LYPLAL1: variants seen among roughly 807,000 people sequenced by gnomAD.
LYPLAL1 encodes the protein lysophospholipase like 1.
LYPLAL1 carries 23 observed loss-of-function variants against 19.7 expected under a neutral mutation model. The observed-to-expected ratio is 1.17, with a 90% CI of 0.84 to 1.65. LYPLAL1 has a LOEUF of 1.65. LYPLAL1 is among the 40% of genes most tolerant of loss of function. The pLI, the probability that LYPLAL1 is intolerant of heterozygous loss-of-function variation, is 0.00. For missense variants in LYPLAL1, 355 were observed against 279.4 expected (o/e 1.27, Z -1.93); for synonymous variants, 119 against 96.3 (o/e 1.24, Z -1.38).
At chr1:219,184,783 C>T (rs530143726) in intron 2 of LYPLAL1, among the ~76,000 whole-genome samples, 2 of 151,866 alleles carry the variant, frequency 1.3e-5, no homozygotes, top group Non-Finnish European at 2.9e-5. Flanking sequence ...CTGGGATAAA[C>T]CCTTTTGTAA....
At chr1:219,331,898 G>A in the LYPLAL1 span, among the ~76,000 whole-genome samples, 2 of 152,132 alleles carry the variant, frequency 1.3e-5, no homozygotes, top group African/African-American at 2.4e-5. Context: ...GAGTCTCACC[G>A]CTTCTGGGGC....
chr1:219,334,507 C>T, the LYPLAL1 span, among the ~76,000 whole-genome samples: 5 of 144,724 alleles, frequency 3.5e-5, no homozygotes, highest in Admixed American at 7.2e-5. Context: ...AGCTTTCTGA[C>T]CCAATCATAA....
the LYPLAL1 span, among the ~76,000 whole-genome samples, chr1:219,336,055 C>T: frequency 6.6e-6 from 1 of 150,664 alleles, no homozygotes; most frequent in South Asian, 2.1e-4. Flanking sequence ...GTTTGGTCAC[C>T]TAGAGAACAT....
chr1:219,218,425 A>G, the LYPLAL1 span, among the ~76,000 whole-genome samples: 1 of 152,100 alleles, frequency 6.6e-6, no homozygotes, highest in African/African-American at 2.4e-5. Context: ...CCTGCAGCCC[A>G]CAGGCCACAT....
chr1:219,188,413 G>A (rs1375958157), intron 2 of LYPLAL1, among the ~76,000 whole-genome samples: 1 of 151,658 alleles, frequency 6.6e-6, no homozygotes, highest in African/African-American at 2.4e-5. Context: ...AGCCCACCAT[G>A]CAGAAATGTT....
At chr1:219,405,828 G>C in the LYPLAL1 span, among the ~76,000 whole-genome samples, 2 of 152,172 alleles carry the variant, frequency 1.3e-5, no homozygotes, top group Non-Finnish European at 2.9e-5. Flanking sequence ...AGCCTGCCCT[G>C]ATTGCTTCCT....
At chr1:219,418,604 T>A in the LYPLAL1 span, among the ~76,000 whole-genome samples, 3 of 152,078 alleles carry the variant, frequency 2.0e-5, no homozygotes, top group Non-Finnish European at 4.4e-5. Flanking sequence ...TCCACCAGAG[T>A]AGTACATTTG....
chr1:219,206,607 G>C (rs1658587786), intron 3 of LYPLAL1, among the ~76,000 whole-genome samples: 1 of 151,954 alleles, frequency 6.6e-6, no homozygotes, highest in African/African-American at 2.4e-5. Context: ...ATTTCAATGA[G>C]TATATTTTTC....
At chr1:219,243,465 G>A in the LYPLAL1 span, among the ~76,000 whole-genome samples, 4 of 152,132 alleles carry the variant, frequency 2.6e-5, no homozygotes, top group Non-Finnish European at 4.4e-5. Flanking sequence ...GGAAGAGCAG[G>A]TTTATTAAGC....
At chr1:219,440,000 T>TATATAC in the LYPLAL1 span, among the ~76,000 whole-genome samples, 1 of 103,422 alleles carries the variant, frequency 9.7e-6, no homozygotes, top group African/African-American at 3.7e-5. Flanking sequence ...TACACACATA[T>TATATAC]ATATATATAT....
the LYPLAL1 span, among the ~76,000 whole-genome samples, chr1:219,266,533 A>G: frequency 8.5e-5 from 13 of 152,084 alleles, no homozygotes; most frequent in African/African-American, 2.9e-4. Context: ...GTAGGAGTAT[A>G]CTCTAAAATA....
chr1:219,444,594 C>A, the LYPLAL1 span, among the ~76,000 whole-genome samples: 1 of 152,228 alleles, frequency 6.6e-6, no homozygotes, highest in Non-Finnish European at 1.5e-5. Context: ...TATTACCTCA[C>A]CAGCTGTGGC....
At chr1:219,376,725 T>C in the LYPLAL1 span, among the ~76,000 whole-genome samples, 2 of 152,226 alleles carry the variant, frequency 1.3e-5, no homozygotes, top group Non-Finnish European at 2.9e-5. Flanking sequence ...TTAACATTGC[T>C]AATCATTATG....
chr1:219,349,193 C>T, the LYPLAL1 span, among the ~76,000 whole-genome samples: 1 of 152,332 alleles, frequency 6.6e-6, no homozygotes, highest in East Asian at 1.9e-4. Flanking sequence ...ATAGTCCCCA[C>T]GTCTTGACCC....
At chr1:219,300,825 G>A in the LYPLAL1 span, among the ~76,000 whole-genome samples, 41 of 152,150 alleles carry the variant, frequency 2.7e-4, no homozygotes, top group South Asian at 2.1e-4. Flanking sequence ...GTGAGCCACC[G>A]TGCCCGGCCT....
chr1:219,300,495 G>A, the LYPLAL1 span, among the ~76,000 whole-genome samples: 1 of 150,854 alleles, frequency 6.6e-6, no homozygotes, highest in Non-Finnish European at 1.5e-5. Flanking sequence ...AAAAAGGGGG[G>A]ACGCTTTGTG....
the LYPLAL1 span, among the ~76,000 whole-genome samples, chr1:219,433,934 A>G: frequency 2.0e-5 from 3 of 152,218 alleles, no homozygotes; most frequent in Non-Finnish European, 2.9e-5. Context: ...CCTTAAATCA[A>G]TTATTCACAC....
the LYPLAL1 span, among the ~76,000 whole-genome samples, chr1:219,246,196 C>T: frequency 3.3e-5 from 5 of 152,042 alleles, no homozygotes; most frequent in East Asian, 1.9e-4. Flanking sequence ...ATCCGTGGTC[C>T]GTATTTCTCA....
chr1:219,380,934 C>T, the LYPLAL1 span, among the ~76,000 whole-genome samples: 7 of 152,094 alleles, frequency 4.6e-5, no homozygotes, highest in African/African-American at 1.7e-4. Flanking sequence ...ACCCAGGGGC[C>T]ATAGTTTGCC....
Sources: gnomAD v4.1 joint callset for allele counts (sites outside exome capture counted in the v4.1 genomes callset) on GRCh38, gnomAD v4.1.1 for gene constraint, MANE v1.5 for transcripts, NCBI Gene and HGNC (gene_info 2026-07-23, HGNC 2026-07-21) for gene names.